Variants in CHST8 observed in about 807,000 individuals in gnomAD.
CHST8 encodes the protein carbohydrate sulfotransferase 8, also known as GALNAC-4-ST1.
A neutral mutation model predicts 15.0 loss-of-function variants in CHST8; 10 were observed. That is an observed-to-expected ratio of 0.67 (90% CI 0.41 to 1.13). CHST8 has a LOEUF of 1.13. Among genes scored for constraint, CHST8 ranks in the 50% most tolerant of loss-of-function variants. CHST8 has a pLI of 0.00. For synonymous variants in CHST8, 259 were observed against 256.6 expected (o/e 1.01, Z -0.09); for missense variants, 634 against 608.2 (o/e 1.04, Z -0.45).
intron 3 of CHST8, among the ~76,000 whole-genome samples, chr19:33,722,029 T>G (rs966709825): frequency 7.3e-6 from 1 of 137,770 alleles, no homozygotes; most frequent in African/African-American, 2.8e-5. Flanking sequence ...AGGTAGTGAG[T>G]GGGCATATGG....
chr19:33,749,822 T>A (rs1974380471), intron 3 of CHST8, among the ~76,000 whole-genome samples: 1 of 151,836 alleles, frequency 6.6e-6, no homozygotes, highest in African/African-American at 2.4e-5. Flanking sequence ...TATGGGTGGG[T>A]TGTATGTCAC....
At chr19:33,634,898 TG>T (rs1043009088) in intron 1 of CHST8, among the ~76,000 whole-genome samples, 2 of 152,034 alleles carry the variant, frequency 1.3e-5, no homozygotes, top group Non-Finnish European at 2.9e-5. Context: ...TCTCGCTCGC[TG>T]GGGGGTGTCC....
At chr19:33,700,286 C>T (rs919945397) in intron 3 of CHST8, among the ~76,000 whole-genome samples, 16 of 152,246 alleles carry the variant, frequency 1.1e-4, no homozygotes, top group African/African-American at 3.9e-4. Flanking sequence ...CTGTGAACAT[C>T]AGAAGTGACA....
rs939819786 is a variant in CHST8, at chr19:33,689,156, A to G, written c.-86-20A>G. The G allele has an allele frequency of 8.0e-6, 11 of 1,370,328 alleles. No homozygotes were observed. The East Asian group carries it at 2.2e-4, about 27-fold the overall frequency. 84.9% of individuals were successfully genotyped at this position (1,370,328 alleles called of 1,614,324 possible). A position where few individuals can be genotyped will look rare whatever the true frequency, so the allele number is the denominator to read the frequency against. On this transcript the variant is annotated intron_variant, in intron 2 of 4. Transcript: ENST00000650847. ...GGTGCCTCGCGCCTCGGTGATGACT[A>G]TCCCTCCTCTGCCCCGTAGATCTCG...
At chr19:33,724,969 T>C (rs1221507529) in intron 3 of CHST8, among the ~76,000 whole-genome samples, 2 of 152,210 alleles carry the variant, frequency 1.3e-5, no homozygotes, top group Middle Eastern at 3.4e-3. Context: ...TGCTGGGGGT[T>C]GGGGAGGGAG....
intron 1 of CHST8, among the ~76,000 whole-genome samples, chr19:33,628,346 A>C (rs1223052141): frequency 6.6e-6 from 1 of 152,170 alleles, no homozygotes; most frequent in East Asian, 1.9e-4. Context: ...ACAACCAGGG[A>C]GGGACTTGGG....
At chr19:33,699,268 G>A (rs1485571174) in intron 3 of CHST8, among the ~76,000 whole-genome samples, 3 of 152,168 alleles carry the variant, frequency 2.0e-5, no homozygotes, top group African/African-American at 7.2e-5. Flanking sequence ...GAGGAAGCTC[G>A]GGCTCTGCTC....
Position 33,771,951 on chromosome 19 carries a change from C to A in CHST8, c.169-6C>A, listed in dbSNP as rs781239866. The stretch of plus-strand genomic sequence containing the variant: ...ACTCAGATAACCACTTCTCTTCTTG[C>A]CCCAGGACCTCCCACCAGGCGGCTC... On this transcript the variant is annotated splice_polypyrimidine_tract_variant and splice_region_variant and intron_variant, in intron 4 of 4. Transcript: ENST00000650847. 13 of 1,555,136 alleles carry A rather than the reference C, an allele frequency of 8.4e-6. No homozygotes were observed. The highest frequency in any genetic ancestry group is 1.1e-5 in the Non-Finnish European group (13 of 1,153,750).
intron 3 of CHST8, among the ~76,000 whole-genome samples, chr19:33,728,451 G>T (rs976243058): frequency 1.3e-5 from 2 of 152,206 alleles, no homozygotes; most frequent in Non-Finnish European, 2.9e-5. Flanking sequence ...CAGGGTTGCT[G>T]CCAGATCAAA....
At chr19:33,650,501 CTTTTTCTTTTTCTTTTCTTTTTT>C (rs1972425300) in intron 1 of CHST8, among the ~76,000 whole-genome samples, 11 of 50,926 alleles carry the variant, frequency 2.2e-4, no homozygotes, top group South Asian at 1.2e-3. Flanking sequence ...TTTTCTTTTT[CTTTTTCTTTTTCTTTTCTTTTTT>C]TTTTTTTTTT....
At chr19:33,690,529 G>T (rs1973082182) in intron 3 of CHST8, among the ~76,000 whole-genome samples, 1 of 152,184 alleles carries the variant, frequency 6.6e-6, no homozygotes, top group Non-Finnish European at 1.5e-5. Context: ...GGGGCCCTGG[G>T]TCTGGCAGCT....
chr19:33,715,373 C>T (rs1374484255), intron 3 of CHST8, among the ~76,000 whole-genome samples: 3 of 152,180 alleles, frequency 2.0e-5, no homozygotes, highest in African/African-American at 7.2e-5. Flanking sequence ...GCAGTTTCTC[C>T]TGGAAACTGG....
chr19:33,765,142 G>A (rs1333396611), intron 3 of CHST8, among the ~76,000 whole-genome samples: 1 of 150,222 alleles, frequency 6.7e-6, no homozygotes, highest in African/African-American at 2.5e-5. Flanking sequence ...ATTTTAATAT[G>A]ACTGGTGTCC....
chr19:33,711,485 G>T (rs1224634305), intron 3 of CHST8, among the ~76,000 whole-genome samples: 2 of 152,108 alleles, frequency 1.3e-5, no homozygotes, highest in South Asian at 4.1e-4. Context: ...TCAGAAGTGG[G>T]TTTATTTGAT....
chr19:33,697,527 G>A (rs1381158207), intron 3 of CHST8, among the ~76,000 whole-genome samples: 4 of 152,212 alleles, frequency 2.6e-5, no homozygotes, highest in South Asian at 2.1e-4. Flanking sequence ...CACTGTGCCC[G>A]GCCTCATGTA....
intron 1 of CHST8, among the ~76,000 whole-genome samples, chr19:33,659,633 A>C (rs1384309027): frequency 2.0e-5 from 3 of 151,820 alleles, no homozygotes; most frequent in Non-Finnish European, 4.4e-5. Context: ...AGTTGGAGAG[A>C]TCTTGTCTCT....
Position 33,767,536 on chromosome 19 carries a change from G to A in CHST8, c.131-3877G>A, listed in dbSNP as rs1974875561. Among the ~76,000 whole-genome samples the A allele has an allele frequency of 2.6e-5, 4 of 152,222 alleles. No homozygotes were observed. The South Asian group carries it at 8.3e-4, about 31-fold the overall frequency. On this transcript the variant is annotated intron_variant, in intron 3 of 4. Coordinates refer to ENST00000650847, the MANE Select transcript of CHST8 (RefSeq NM_001127895.2). ...AGAGTTCACACTGTGGAACACATTTGGCAGTGCCCATAACTCACGCCTTGT... is the reference window on the plus strand; with the variant it reads ...AGAGTTCACACTGTGGAACACATTTAGCAGTGCCCATAACTCACGCCTTGT...
chr19:33,749,995 G>A (rs1000468828), intron 3 of CHST8, among the ~76,000 whole-genome samples: 6 of 152,170 alleles, frequency 3.9e-5, no homozygotes, highest in African/African-American at 9.7e-5. Context: ...GAGGCCTGGC[G>A]CCCCAGCTAG....
intron 3 of CHST8, among the ~76,000 whole-genome samples, chr19:33,769,102 C>T (rs1974913561): frequency 6.6e-6 from 1 of 152,234 alleles, no homozygotes; most frequent in South Asian, 2.1e-4. Context: ...GTCCAGGAGA[C>T]AGTGTCCCCC....
Sources: gnomAD v4.1 joint callset for allele counts (sites outside exome capture counted in the v4.1 genomes callset) on GRCh38, gnomAD v4.1.1 for gene constraint, MANE v1.5 for transcripts, NCBI Gene and HGNC (gene_info 2026-07-23, HGNC 2026-07-21) for gene names.